The following NAP1L1 variants were observed in gnomAD, a reference collection of about 807,000 sequenced individuals.
NAP1L1 encodes the protein nucleosome assembly protein 1 like 1.
In NAP1L1, 9 loss-of-function variants were observed where a neutral mutation model predicts 58.9. That is an observed-to-expected ratio of 0.15 (90% CI 0.09 to 0.27). The LOEUF (loss-of-function observed/expected upper bound fraction) is 0.27, where lower values mean the gene tolerates loss of function less well. NAP1L1 is among the 10% of genes least tolerant of loss of function. NAP1L1 has a pLI of 1.00. For synonymous variants in NAP1L1, 130 were observed against 138.3 expected (o/e 0.94, Z 0.42); for missense variants, 302 against 458.8 (o/e 0.66, Z 3.12).
intron 7 of NAP1L1, among the ~76,000 whole-genome samples, chr12:76,055,717 G>A (rs921950932): frequency 6.6e-6 from 1 of 152,154 alleles, no homozygotes; most frequent in African/African-American, 2.4e-5. Flanking sequence ...TTGCATAATT[G>A]CAGCTATAAG....
rs1948675918 is a variant in NAP1L1, at chr12:76,048,470, A to G, written c.1141-6T>C. The stretch of plus-strand genomic sequence containing the variant: ...TCTGCTGGGTTTTGATCCTTCTGTT[A>G]AAGGAAAACAACAAGTCAATCTATC... On this transcript the variant is annotated splice_region_variant and splice_polypyrimidine_tract_variant and intron_variant, in intron 14 of 14. Transcript: ENST00000618691. 1 of 1,613,636 alleles carries G rather than the reference A, an allele frequency of 6.2e-7. No individual in the cohort carries two copies. The highest frequency in any genetic ancestry group is 1.3e-5 in the African/African-American group (1 of 75,024).
At chr12:76,068,655 G>A in intron 3 of NAP1L1, 1 of 329,662 alleles carries the variant, frequency 3.0e-6, no homozygotes, top group South Asian at 6.7e-5. Context: ...TTTGACACAA[G>A]TACACCAAGT....
At chr12:76,066,131 A>C (rs906838977) in intron 4 of NAP1L1, among the ~76,000 whole-genome samples, 39 of 94,850 alleles carry the variant, frequency 4.1e-4, no homozygotes, top group African/African-American at 2.1e-3. Context: ...TAAATAAATA[A>C]ATAAATAAAC....
At chr12:76,063,033 A>T (rs1472838106) in intron 4 of NAP1L1, among the ~76,000 whole-genome samples, 1 of 152,154 alleles carries the variant, frequency 6.6e-6, no homozygotes. Context: ...TCATAACCAA[A>T]CTATTATTCA....
chr12:76,047,095 C>G lies in NAP1L1; in HGVS notation c.*1334G>C, dbSNP rs1243506737. 2.0e-5 allele frequency: 3 copies of G among 152,432 alleles called. No individual in the cohort carries two copies. Among genetic ancestry groups the G allele is most frequent in the African/African-American group, 7.2e-5 (3 of 41,416 alleles). 9.4% of individuals were successfully genotyped at this position (152,432 alleles called of 1,614,324 possible). A position where few individuals can be genotyped will look rare whatever the true frequency, so the allele number is the denominator to read the frequency against. ...CACCTTTGTTTTCCAGTTTAGTTATCAAAGCGTGGTGTGAACAAAATGCTT... is the reference window on the plus strand; with the variant it reads ...CACCTTTGTTTTCCAGTTTAGTTATGAAAGCGTGGTGTGAACAAAATGCTT... On this transcript the variant is annotated 3_prime_UTR_variant, in exon 15 of 15. Coordinates refer to ENST00000618691, the MANE Select transcript of NAP1L1 (RefSeq NM_004537.7).
At position 76,039,141 on chromosome 12, in the gene NAP1L1, A is replaced by G. The variant is rs1455856108; in HGVS notation, c.*9288T>C. The stretch of plus-strand genomic sequence containing the variant: ...CTTTTCTAAATCAACTTATTTCGAC[A>G]TATGTGGCCAATGTGGCTGTCATCC... On this transcript the variant is annotated 3_prime_UTR_variant, in exon 15 of 15. Transcript: ENST00000618691. The G allele has an allele frequency of 1.3e-5, 2 of 152,200 alleles. No individual in the cohort carries two copies. The highest frequency in any genetic ancestry group is 6.5e-5 in the Admixed American group (1 of 15,284). 9.4% of individuals were successfully genotyped at this position (152,200 alleles called of 1,614,324 possible). A position where few individuals can be genotyped will look rare whatever the true frequency, so the allele number is the denominator to read the frequency against.
intron 8 of NAP1L1, among the ~76,000 whole-genome samples, chr12:76,054,777 T>C (rs1486548053): frequency 6.6e-6 from 1 of 152,232 alleles, no homozygotes; most frequent in Non-Finnish European, 1.5e-5. Flanking sequence ...TACTTATTCA[T>C]GTTCCCTTGG....
At position 76,040,040 on chromosome 12, in the gene NAP1L1, G is replaced by T. The variant is rs779867680; in HGVS notation, c.*8389C>A. The T allele has an allele frequency of 3.9e-5, 6 of 152,106 alleles. No individual in the cohort carries two copies. Among genetic ancestry groups the T allele is most frequent in the Non-Finnish European group, 5.9e-5 (4 of 68,022 alleles). The allele number at this position is 152,106 out of a possible 1,614,324, so 9.4% of individuals were successfully genotyped here. A position where few individuals can be genotyped will look rare whatever the true frequency, so the allele number is the denominator to read the frequency against. On this transcript the variant is annotated 3_prime_UTR_variant, in exon 15 of 15. Coordinates refer to ENST00000618691, the MANE Select transcript of NAP1L1 (RefSeq NM_004537.7). ...ATCAAGCTTGACATTTTTGTCTGAG[G>T]GAGTTCACTACGTTATAGCTTGAAT...
At chr12:76,055,204 A>G in intron 7 of NAP1L1, 114 bp from the exon 8 acceptor site, 1 of 648,334 alleles carries the variant, frequency 1.5e-6, no homozygotes, top group Non-Finnish European at 2.5e-6. Flanking sequence ...AGTTTTGTAT[A>G]GCAATTATGA....
Position 76,045,509 on chromosome 12 carries a change from G to T in NAP1L1, c.*2920C>A, listed in dbSNP as rs940158614. ...ATTCACACAACAAAAATATTTTTAT[G>T]AAAGTTAATATATCCTTTCCTGATT... On this transcript the variant is annotated 3_prime_UTR_variant, in exon 15 of 15. Transcript: ENST00000618691. 6.6e-6 allele frequency: 1 copy of T among 151,966 alleles called. No individual in the cohort carries two copies. Among genetic ancestry groups the T allele is most frequent in the Non-Finnish European group, 1.5e-5 (1 of 67,892 alleles). 9.4% of individuals were successfully genotyped at this position (151,966 alleles called of 1,614,324 possible).
At chr12:76,055,423 C>T (rs992628746) in intron 7 of NAP1L1, among the ~76,000 whole-genome samples, 1 of 152,190 alleles carries the variant, frequency 6.6e-6, no homozygotes, top group Non-Finnish European at 1.5e-5. Context: ...TTGTCCCCTT[C>T]CTCCTGGTCG....
intron 4 of NAP1L1, among the ~76,000 whole-genome samples, chr12:76,060,536 G>A (rs1377437567): frequency 2.6e-5 from 4 of 152,170 alleles, no homozygotes; most frequent in African/African-American, 9.7e-5. Context: ...CTTTACCCAA[G>A]TTAAGTGTTG....
intron 4 of NAP1L1, among the ~76,000 whole-genome samples, chr12:76,066,499 A>G (rs1436173046): frequency 1.1e-4 from 16 of 152,246 alleles, no homozygotes; most frequent in Non-Finnish European, 5.9e-5. Flanking sequence ...TCCCAACAAG[A>G]AAGTGGAAAA....
At chr12:76,055,821 T>C (rs897325686) in intron 7 of NAP1L1, among the ~76,000 whole-genome samples, 2 of 152,230 alleles carry the variant, frequency 1.3e-5, no homozygotes, top group Non-Finnish European at 2.9e-5. Flanking sequence ...CCATTATCAA[T>C]GGGACCATTT....
chr12:76,079,390 C>T (rs1198783377), intron 1 of NAP1L1, among the ~76,000 whole-genome samples: 1 of 152,058 alleles, frequency 6.6e-6, no homozygotes, highest in East Asian at 1.9e-4. Flanking sequence ...GTCCTAGCTA[C>T]TCGGGAGACT....
chr12:76,070,726 C>G (rs1245054511), intron 2 of NAP1L1, among the ~76,000 whole-genome samples: 1 of 152,138 alleles, frequency 6.6e-6, no homozygotes, highest in African/African-American at 2.4e-5. Context: ...TTCCAGGAAA[C>G]CTCCCTACCA....
intron 4 of NAP1L1, among the ~76,000 whole-genome samples, chr12:76,065,093 A>G (rs540404728): frequency 6.6e-6 from 1 of 152,300 alleles, no homozygotes; most frequent in African/African-American, 2.4e-5. Context: ...TCAATTACTC[A>G]ACAATGTAAC....
intron 6 of NAP1L1, among the ~76,000 whole-genome samples, chr12:76,058,981 C>G (rs1949277033): frequency 6.6e-6 from 1 of 152,126 alleles, no homozygotes; most frequent in African/African-American, 2.4e-5. Flanking sequence ...GTAAAGTATA[C>G]TAAAAGCCTT....
rs765317672 is a variant in NAP1L1, at chr12:76,048,418, T to C, written c.*11A>G. The C allele has an allele frequency of 1.9e-6, 3 of 1,613,328 alleles. No individual in the cohort carries two copies. Among genetic ancestry groups the C allele is most frequent in the South Asian group, 1.1e-5 (1 of 91,046 alleles). On this transcript the variant is annotated 3_prime_UTR_variant, in exon 15 of 15. Transcript: ENST00000618691. ...AGTGCAGGTTATCCTCAAGGCCACA[T>C]ACATCCTGCTTCACTGCTGCTTGCA...
Sources: allele counts gnomAD v4.1 joint callset (sites outside exome capture counted in the v4.1 genomes callset), GRCh38; gene constraint gnomAD v4.1.1; transcripts MANE v1.5; gene names NCBI Gene and HGNC (gene_info 2026-07-23, HGNC 2026-07-21).